The following DPP6 variants were observed in gnomAD, a reference collection of about 807,000 sequenced individuals.
DPP6 encodes dipeptidyl peptidase like 6, also known as A-type potassium channel modulatory protein DPP6.
In DPP6, 69 loss-of-function variants were observed where a neutral mutation model predicts 122.6. That is an observed-to-expected ratio of 0.56 (90% CI 0.46 to 0.69). The LOEUF is 0.69. DPP6 is among the 30% of genes least tolerant of loss of function. DPP6 has a pLI of 0.00. For synonymous variants in DPP6, 418 were observed against 433.1 expected (o/e 0.97, Z 0.43); for missense variants, 928 against 1,116.9 (o/e 0.83, Z 2.41).
intron 16 of DPP6, among the ~76,000 whole-genome samples, chr7:154,852,607 AC>A (rs1398360828): frequency 6.6e-6 from 1 of 152,128 alleles, no homozygotes; most frequent in African/African-American, 2.4e-5. Context: ...CCAATCGAGC[AC>A]AACTCTATTC....
At chr7:154,063,603 A>G (rs73163501) in intron 1 of DPP6, among the ~76,000 whole-genome samples, 5,755 of 32,828 alleles carry the variant, frequency 0.18, 906 homozygotes, top group Middle Eastern at 0.21. Flanking sequence ...CATCGCAGTG[A>G]GGGAGGCACC....
In DPP6 at chr7:154,483,075, T is replaced by C. The variant is rs910456406; in HGVS notation, c.457+8038T>C. On this transcript the variant is annotated intron_variant, in intron 3 of 25. Transcript: ENST00000377770. This position sits in a 1 kb window ranked among gnomAD's most constrained non-coding sequence, Gnocchi z 8.1. ...TGGAAAGCGTGGGTTGTGGAGGTAC[T>C]GCTCAGAGCCTCTCGGAGGGAAGAG... Among the ~76,000 whole-genome samples, 14 of 151,820 alleles carry C rather than the reference T, an allele frequency of 9.2e-5. No homozygotes were observed. The highest frequency in any genetic ancestry group is 3.4e-4 in the African/African-American group (14 of 41,308).
rs371017440 is a variant in DPP6, at chr7:154,794,184, C to T, written c.1242C>T (p.Thr414=). The change falls in exon 11 of 26, where the codon ACC becomes ACT. Residue 414 remains threonine, a synonymous_variant. Coordinates refer to ENST00000377770, the MANE Select transcript of DPP6 (RefSeq NM_130797.4). Reference sequence around the variant, plus strand: ...CCATCCTCACCCTCTGCGACGCCACCACGGGGGTCTGCACGAAGGTACGCG... The same window carrying T: ...CCATCCTCACCCTCTGCGACGCCACTACGGGGGTCTGCACGAAGGTACGCG... ...NVSILTLCDA[T]TGVCTKKHED... 1 of 1,610,744 alleles carries T rather than the reference C, an allele frequency of 6.2e-7. No homozygotes were observed. Among genetic ancestry groups the T allele is most frequent in the Non-Finnish European group, 8.5e-7 (1 of 1,178,372 alleles).
chr7:154,682,111 C>A lies in DPP6; in HGVS notation c.762+12670C>A, dbSNP rs991888101. Among the ~76,000 whole-genome samples the A allele has an allele frequency of 8.5e-5, 13 of 152,254 alleles. No individual in the cohort carries two copies. The East Asian group carries it at 2.5e-3, about 29-fold the overall frequency. On this transcript the variant is annotated intron_variant, in intron 7 of 25. Coordinates refer to ENST00000377770, the MANE Select transcript of DPP6 (RefSeq NM_130797.4). ...AATTGGAAAACTTTGACGTTATAAC[C>A]TAAAATTTTTGAGATTTAACAACTT...
At chr7:154,685,755 C>T (rs571391715) in intron 7 of DPP6, among the ~76,000 whole-genome samples, 17 of 152,290 alleles carry the variant, frequency 1.1e-4, no homozygotes, top group East Asian at 3.9e-4. Context: ...GGCTTGGCCA[C>T]GTTGTAGTTT....
At chr7:154,171,901 T>C (rs563972593) in intron 1 of DPP6, among the ~76,000 whole-genome samples, 20 of 152,196 alleles carry the variant, frequency 1.3e-4, no homozygotes, top group Non-Finnish European at 2.8e-4. Flanking sequence ...AAGATGGTAA[T>C]TTCTGTCTTA....
intron 1 of DPP6, among the ~76,000 whole-genome samples, chr7:154,362,399 A>G (rs542676002): frequency 6.6e-6 from 1 of 152,200 alleles, no homozygotes; most frequent in Admixed American, 6.5e-5. Flanking sequence ...CTGCCTCCCT[A>G]GCAATAGAGT....
At chr7:154,701,228 G>T (rs1443895146) in intron 7 of DPP6, among the ~76,000 whole-genome samples, 1 of 152,118 alleles carries the variant, frequency 6.6e-6, no homozygotes, top group African/African-American at 2.4e-5. Context: ...CGCTTTGCAC[G>T]CTCACCACAG....
intron 3 of DPP6, among the ~76,000 whole-genome samples, chr7:154,521,930 G>C (rs1283436458): frequency 6.6e-6 from 1 of 151,966 alleles, no homozygotes; most frequent in African/African-American, 2.4e-5. Flanking sequence ...TTGCATTCTT[G>C]AAAGGGGGAA....
chr7:153,999,980 G>GA (rs3980025), intron 1 of DPP6, among the ~76,000 whole-genome samples: 21 of 143,012 alleles, frequency 1.5e-4, no homozygotes, highest in South Asian at 2.2e-4. Context: ...AAGAAAGAAA[G>GA]AAAAAAAAAA....
intron 1 of DPP6, among the ~76,000 whole-genome samples, chr7:154,150,322 G>A (rs1796347206): frequency 6.6e-6 from 1 of 152,174 alleles, no homozygotes; most frequent in Admixed American, 6.5e-5. Flanking sequence ...TACAGAGGAA[G>A]CCCTGGAAAC....
At chr7:154,725,901 G>A (rs1467054927) in intron 7 of DPP6, among the ~76,000 whole-genome samples, 2 of 152,270 alleles carry the variant, frequency 1.3e-5, no homozygotes, top group East Asian at 1.9e-4. Flanking sequence ...ATTCCAAATG[G>A]GAGAAACTGG....
intron 16 of DPP6, among the ~76,000 whole-genome samples, chr7:154,851,286 T>C (rs891114724): frequency 2.0e-5 from 3 of 152,240 alleles, no homozygotes; most frequent in Admixed American, 6.5e-5. Context: ...ATATCTACTT[T>C]GCAGAGCTGC....
the DPP6 span, among the ~76,000 whole-genome samples, chr7:153,828,078 C>T: frequency 1.6e-5 from 2 of 121,856 alleles, no homozygotes; most frequent in African/African-American, 5.7e-5. Flanking sequence ...TCCCACATCA[C>T]CCCACAGCAG....
At chr7:154,541,711 C>A (rs1172224102) in intron 4 of DPP6, among the ~76,000 whole-genome samples, 1 of 152,144 alleles carries the variant, frequency 6.6e-6, no homozygotes, top group Non-Finnish European at 1.5e-5. Flanking sequence ...CCCGTTAAAG[C>A]GATCATAACA....
intron 1 of DPP6, among the ~76,000 whole-genome samples, chr7:154,014,570 G>A (rs1250776273): frequency 4.0e-5 from 6 of 151,814 alleles, no homozygotes; most frequent in Non-Finnish European, 8.8e-5. Context: ...CACGAGAATC[G>A]CTTATTGCTT....
the DPP6 span, among the ~76,000 whole-genome samples, chr7:153,825,344 C>T: frequency 6.6e-6 from 1 of 152,068 alleles, no homozygotes. Context: ...ACTGCTTGCT[C>T]CTTCCATTCC....
intron 1 of DPP6, among the ~76,000 whole-genome samples, chr7:154,250,067 G>A (rs573038277): frequency 2.6e-5 from 4 of 152,122 alleles, no homozygotes; most frequent in East Asian, 3.9e-4. Context: ...GTTCTGTTCC[G>A]TTCTAATTAC....
intron 16 of DPP6, chr7:154,838,472 T>G (rs1439713747): frequency 6.6e-6 from 1 of 152,212 alleles, no homozygotes; most frequent in African/African-American, 2.4e-5. Context: ...AAGAAAAGTC[T>G]GCTTGCAGGA....
Sources: allele counts gnomAD v4.1 joint callset (sites outside exome capture counted in the v4.1 genomes callset), GRCh38; gene constraint gnomAD v4.1.1; non-coding constraint Gnocchi (gnomAD v3.1); transcripts MANE v1.5; gene names NCBI Gene and HGNC (gene_info 2026-07-23, HGNC 2026-07-21).